Variants in LINGO3 observed in about 807,000 individuals in gnomAD.
The protein encoded by LINGO3 is leucine rich repeat and Ig domain containing 3, also known as leucine-rich repeat and immunoglobulin-like domain-containing nogo receptor-interacting protein 3.
For missense variants in LINGO3, 750 were observed against 867.7 expected (o/e 0.86, Z 1.70); for synonymous variants, 427 against 444.2 (o/e 0.96, Z 0.49).
At chr19:2,300,127 G>C in the LINGO3 span, among the ~76,000 whole-genome samples, 1 of 151,140 alleles carries the variant, frequency 6.6e-6, no homozygotes, top group Admixed American at 6.6e-5. Flanking sequence ...CGCCTCCCGG[G>C]TTCAAGGGAG....
chr19:2,303,065 G>A, the LINGO3 span, among the ~76,000 whole-genome samples: 4 of 152,184 alleles, frequency 2.6e-5, no homozygotes, highest in South Asian at 6.2e-4. Flanking sequence ...TCGTCCGCCC[G>A]CACCTCTAGT....
chr19:2,301,197 A>C, the LINGO3 span, among the ~76,000 whole-genome samples: 1 of 151,934 alleles, frequency 6.6e-6, no homozygotes, highest in Non-Finnish European at 1.5e-5. Context: ...CCCCTGGTTT[A>C]CACCGTCTGC....
chr19:2,291,723 C>T (rs1286747087), exon 1 of LINGO3: 4 of 1,343,976 alleles, frequency 3.0e-6, no homozygotes, highest in African/African-American at 1.6e-5. Context: ...CCGGGGGCGG[C>T]GCCGCGGGCA....
At chr19:2,294,976 G>C (rs544255970), upstream of LINGO3, among the ~76,000 whole-genome samples, 3 of 152,198 alleles carry the variant, frequency 2.0e-5, no homozygotes, top group South Asian at 6.2e-4. This position sits in a 1 kb window ranked among gnomAD's most constrained non-coding sequence, Gnocchi z 4.3. Context: ...GCCCAAACCA[G>C]GTTGTGCGTC....
the LINGO3 span, among the ~76,000 whole-genome samples, chr19:2,304,638 C>A: frequency 2.0e-5 from 3 of 147,602 alleles, no homozygotes; most frequent in Non-Finnish European, 3.0e-5. Flanking sequence ...TGCCTCTGGG[C>A]AATGGGAAAG....
upstream of LINGO3, among the ~76,000 whole-genome samples, chr19:2,296,052 T>A (rs564241413): frequency 6.6e-6 from 1 of 152,270 alleles, no homozygotes; most frequent in South Asian, 2.1e-4. Context: ...AATCCCAACC[T>A]GGGCATGTTA....
At chr19:2,291,168 C>T (rs1433215068) in exon 1 of LINGO3, 1 of 1,607,474 alleles carries the variant, frequency 6.2e-7, no homozygotes, top group African/African-American at 1.3e-5. Context: ...GGCGCAGCCG[C>T]AGGGCGCCCA....
At chr19:2,295,715 G>A (rs968894495), upstream of LINGO3, among the ~76,000 whole-genome samples, 3 of 152,158 alleles carry the variant, frequency 2.0e-5, no homozygotes, top group African/African-American at 4.8e-5. Flanking sequence ...CAGCCTGGGC[G>A]ACAAGAGGGG....
chr19:2,287,406 A>G (rs1422005744), downstream of LINGO3, among the ~76,000 whole-genome samples: 1 of 152,130 alleles, frequency 6.6e-6, no homozygotes, highest in African/African-American at 2.4e-5. This position sits in a 1 kb window ranked among gnomAD's most constrained non-coding sequence, Gnocchi z 4.5. Flanking sequence ...TGTCATGGTA[A>G]GCAGAGTCAG....
chr19:2,288,299 T>C (rs1419836688), downstream of LINGO3, among the ~76,000 whole-genome samples: 6 of 152,220 alleles, frequency 3.9e-5, no homozygotes, highest in Non-Finnish European at 5.9e-5. The surrounding 1 kb of genome is among the most constrained non-coding windows in gnomAD (Gnocchi z 6.5). Context: ...GTGAAGCCCT[T>C]GTTCCGGCCT....
the LINGO3 span, among the ~76,000 whole-genome samples, chr19:2,308,140 G>A: frequency 4.0e-5 from 5 of 125,200 alleles, no homozygotes; most frequent in African/African-American, 1.1e-4. Flanking sequence ...GCCGACACGA[G>A]CAGCCGCCGC....
Position 2,290,167 on chromosome 19 carries a change from G to A in LINGO3, c.1610C>T (p.Thr537Ile). ...GCAGAAGAGGACCACGCCCAGGAAG[G>A]TGATGCAGCCCATGGCGGTGGACAC... Residue 537 changes from threonine (T) to isoleucine (I), a missense_variant, in exon 1 of 1, where the codon ACC (threonine) becomes ATC (isoleucine). Thr to Ile is a moderately conservative substitution (Grantham distance 89). Coordinates refer to ENST00000585527, the Ensembl canonical transcript of LINGO3. This position sits in a 1 kb window ranked among gnomAD's most constrained non-coding sequence, Gnocchi z 6.0. The A allele has an allele frequency of 6.2e-7, 1 of 1,612,632 alleles. No individual in the cohort carries two copies. Among genetic ancestry groups the A allele is most frequent in the Non-Finnish European group, 8.5e-7 (1 of 1,179,676 alleles).
downstream of LINGO3, chr19:2,289,651 T>C (rs560250478): frequency 4.9e-5 from 13 of 263,786 alleles, 1 homozygote; most frequent in South Asian, 6.3e-4. Flanking sequence ...TGGGTGTGAA[T>C]TGCGGGCCCT....
At chr19:2,297,538 C>T in the LINGO3 span, among the ~76,000 whole-genome samples, 2 of 150,600 alleles carry the variant, frequency 1.3e-5, no homozygotes, top group Non-Finnish European at 1.5e-5. Flanking sequence ...CTCCTGACCT[C>T]GTGATCCACC....
chr19:2,304,041 A>G, the LINGO3 span, among the ~76,000 whole-genome samples: 1 of 152,218 alleles, frequency 6.6e-6, no homozygotes, highest in Non-Finnish European at 1.5e-5. Context: ...CTTCCGGGGA[A>G]GTCTCCATTG....
chr19:2,296,571 T>G (rs1264620718), upstream of LINGO3, among the ~76,000 whole-genome samples: 1 of 151,936 alleles, frequency 6.6e-6, no homozygotes, highest in African/African-American at 2.4e-5. Flanking sequence ...CTCCACCTCC[T>G]GGGTTCAGGT....
At chr19:2,291,466 A>T (rs2025520646) in exon 1 of LINGO3, 1 of 1,612,752 alleles carries the variant, frequency 6.2e-7, no homozygotes, top group Non-Finnish European at 8.5e-7. Flanking sequence ...CAGGACGCGC[A>T]GGCGCGGCAG....
chr19:2,290,886 G>A lies in LINGO3; in HGVS notation c.891C>T (p.Arg297=). 1 of 1,611,138 alleles carries A rather than the reference G, an allele frequency of 6.2e-7. No homozygotes were observed. Among genetic ancestry groups the A allele is most frequent in the Non-Finnish European group, 8.5e-7 (1 of 1,179,088 alleles). ...GCAGGGCCCCGGCCAGGTGCAGCTC[G>A]CGCAGGCGGACCAGGTCCCGGAACG... The change falls in exon 1 of 1, where the codon CGC becomes CGT. Residue 297 remains arginine (R), a synonymous_variant. Coordinates refer to ENST00000585527, the Ensembl canonical transcript of LINGO3. This position sits in a 1 kb window ranked among gnomAD's most constrained non-coding sequence, Gnocchi z 6.0.
In LINGO3 at chr19:2,290,633, G is replaced by T; in HGVS notation, c.1144C>A (p.Pro382Thr). 1 of 1,598,450 alleles carries T rather than the reference G, an allele frequency of 6.3e-7. No homozygotes were observed. Among genetic ancestry groups the T allele is most frequent in the Non-Finnish European group, 8.5e-7 (1 of 1,175,444 alleles). The change falls in exon 1 of 1, where the codon CCG becomes ACG. Residue 382 changes from proline (P) to threonine (T), a missense_variant. By Grantham distance (38) the Pro-to-Thr change is conservative (BLOSUM62 -1). Coordinates refer to ENST00000585527, the Ensembl canonical transcript of LINGO3. This position sits in a 1 kb window ranked among gnomAD's most constrained non-coding sequence, Gnocchi z 6.0. ...AGCGCGTCGCCGCGCACCTCGGCCG[G>T]GGTGGCGCAGGCCGGCAGCCGCCCG...
Sources: allele counts gnomAD v4.1 joint callset (sites outside exome capture counted in the v4.1 genomes callset), GRCh38; gene constraint gnomAD v4.1.1; non-coding constraint Gnocchi (gnomAD v3.1); transcripts MANE v1.5; gene names NCBI Gene and HGNC (gene_info 2026-07-23, HGNC 2026-07-21).